The following IL1RAPL1 variants were observed in gnomAD, a reference collection of about 807,000 sequenced individuals.
The protein encoded by IL1RAPL1 is interleukin 1 receptor accessory protein like 1.
In IL1RAPL1, 3 loss-of-function variants were observed where a neutral mutation model predicts 48.4. The ratio of observed to expected loss-of-function variants is 0.06; its 90% confidence interval spans 0.03 to 0.16. The LOEUF (loss-of-function observed/expected upper bound fraction) is 0.16, where lower values mean the gene tolerates loss of function less well. Among genes scored for constraint, IL1RAPL1 ranks in the 10% least tolerant of loss-of-function variants. The pLI is 1.00. For missense variants in IL1RAPL1, 349 were observed against 530.6 expected, an observed-to-expected ratio of 0.66 and a Z score of 3.36; for synonymous variants, 185 against 187.7, an observed-to-expected ratio of 0.99 and a Z score of 0.12.
At chrX:29,183,803 C>T (rs1457251368) in intron 2 of IL1RAPL1, among the ~76,000 whole-genome samples, 1 of 112,316 alleles carries the variant, frequency 8.9e-6, no homozygotes, top group East Asian at 2.8e-4. Context: ...AAGCGATTCT[C>T]CTGCCTCAGC....
chrX:29,764,634 C>G (rs1928835406), intron 6 of IL1RAPL1, among the ~76,000 whole-genome samples: 1 of 112,098 alleles, frequency 8.9e-6, no homozygotes, highest in South Asian at 3.7e-4. Flanking sequence ...ACTGGACACA[C>G]TTTAAAAAAA....
chrX:29,448,476 T>C (rs1934637276), intron 5 of IL1RAPL1, among the ~76,000 whole-genome samples: 1 of 112,183 alleles, frequency 8.9e-6, no homozygotes, highest in African/African-American at 3.2e-5. Context: ...ATGTGAAGAA[T>C]TTGATTCAAA....
At chrX:29,303,410 G>A (rs1038701440) in intron 3 of IL1RAPL1, among the ~76,000 whole-genome samples, 1 of 111,875 alleles carries the variant, frequency 8.9e-6, no homozygotes, top group African/African-American at 3.2e-5. Flanking sequence ...GTTTAACAAC[G>A]TAAAGGTTTT....
chrX:28,859,186 A>G (rs1227852066), intron 2 of IL1RAPL1, among the ~76,000 whole-genome samples: 1 of 112,173 alleles, frequency 8.9e-6, no homozygotes, highest in East Asian at 2.8e-4. Flanking sequence ...CTATTTTTAA[A>G]CGTACAGTAA....
intron 2 of IL1RAPL1, among the ~76,000 whole-genome samples, chrX:28,944,087 G>A (rs766792612): frequency 3.9e-4 from 43 of 110,428 alleles, no homozygotes; most frequent in Non-Finnish European, 6.3e-4. Context: ...GCCAAAGATC[G>A]AATATTATTA....
chrX:29,744,884 G>T (rs1173925211), intron 6 of IL1RAPL1, among the ~76,000 whole-genome samples: 3 of 112,100 alleles, frequency 2.7e-5, no homozygotes, highest in Admixed American at 1.9e-4. Context: ...AAGTTAACAT[G>T]AAATTTGAAA....
chrX:28,903,861 T>C (rs1923148036), intron 2 of IL1RAPL1, among the ~76,000 whole-genome samples: 1 of 110,583 alleles, frequency 9.0e-6, no homozygotes, highest in Non-Finnish European at 1.9e-5. Context: ...ATAATTGTAT[T>C]ATATTTAAAT....
At chrX:28,908,871 C>A (rs867535614) in intron 2 of IL1RAPL1, among the ~76,000 whole-genome samples, 2 of 111,488 alleles carry the variant, frequency 1.8e-5, no homozygotes, top group Non-Finnish European at 1.9e-5. Context: ...TTGATACTCT[C>A]ATTAGGTGCT....
At chrX:28,630,675 A>C (rs915544487) in intron 1 of IL1RAPL1, among the ~76,000 whole-genome samples, 1 of 112,387 alleles carries the variant, frequency 8.9e-6, no homozygotes, top group Non-Finnish European at 1.9e-5. Context: ...GGAGGATAAA[A>C]ATAATTCTTG....
chrX:29,633,468 T>TATAC (rs762146549), intron 5 of IL1RAPL1, among the ~76,000 whole-genome samples: 34 of 97,755 alleles, frequency 3.5e-4, no homozygotes, highest in African/African-American at 1.2e-3. Flanking sequence ...GATATATATA[T>TATAC]ACACACACAC....
intron 2 of IL1RAPL1, among the ~76,000 whole-genome samples, chrX:28,952,652 T>C (rs1924501755): frequency 1.8e-5 from 2 of 111,220 alleles, no homozygotes; most frequent in South Asian, 3.7e-4. Flanking sequence ...AGGAAACTAA[T>C]GTTGACATAT....
At chrX:29,286,452 C>T (rs1017016049) in intron 3 of IL1RAPL1, among the ~76,000 whole-genome samples, 2 of 111,421 alleles carry the variant, frequency 1.8e-5, no homozygotes, top group South Asian at 3.8e-4. Context: ...GAGGCAGAGG[C>T]AGGTGGATTG....
At chrX:29,586,305 C>G (rs984969644) in intron 5 of IL1RAPL1, among the ~76,000 whole-genome samples, 7 of 111,367 alleles carry the variant, frequency 6.3e-5, no homozygotes, top group African/African-American at 2.3e-4. Flanking sequence ...AATAGACTGT[C>G]CTTTCTCCAT....
intron 2 of IL1RAPL1, among the ~76,000 whole-genome samples, chrX:29,179,188 G>A (rs1930093240): frequency 9.0e-6 from 1 of 111,108 alleles, no homozygotes; most frequent in Non-Finnish European, 1.9e-5. Context: ...ACCTTGGGCA[G>A]TATGGCCATT....
intron 2 of IL1RAPL1, among the ~76,000 whole-genome samples, chrX:29,008,113 T>G (rs1926027115): frequency 9.0e-6 from 1 of 111,290 alleles, no homozygotes; most frequent in South Asian, 3.8e-4. Flanking sequence ...GCGAGTCTCC[T>G]GCCTCAGCCT....
chrX:28,866,917 ATATAG>A (rs1262603040), intron 2 of IL1RAPL1, among the ~76,000 whole-genome samples: 16 of 112,049 alleles, frequency 1.4e-4, no homozygotes, highest in African/African-American at 5.2e-4. Flanking sequence ...TAACAAGATG[ATATAG>A]TATAGTTTTT....
intron 6 of IL1RAPL1, among the ~76,000 whole-genome samples, chrX:29,820,577 T>A (rs141527603): frequency 0.025 from 2,784 of 111,721 alleles, 82 homozygotes; most frequent in African/African-American, 0.084. Flanking sequence ...TCTGGGGACA[T>A]TTTAAGTGAC....
chrX:29,308,379 C>A (rs1297712561), intron 3 of IL1RAPL1, among the ~76,000 whole-genome samples: 1 of 111,468 alleles, frequency 9.0e-6, no homozygotes, highest in Non-Finnish European at 1.9e-5. Context: ...TATGTCCATC[C>A]CTGAACCAAT....
intron 9 of IL1RAPL1, among the ~76,000 whole-genome samples, chrX:29,951,016 CAGTTCAAG>C (rs1473252370): frequency 1.8e-5 from 2 of 111,556 alleles, no homozygotes; most frequent in Admixed American, 1.9e-4. Flanking sequence ...TAAGAAGCTA[CAGTTCAAG>C]AGTATTCCAA....
Sources: gnomAD v4.1 joint callset for allele counts (sites outside exome capture counted in the v4.1 genomes callset) on GRCh38, gnomAD v4.1.1 for gene constraint, MANE v1.5 for transcripts, NCBI Gene and HGNC (gene_info 2026-07-23, HGNC 2026-07-21) for gene names.